ZNF385C: variants seen among roughly 807,000 people sequenced by gnomAD.
ZNF385C encodes zinc finger protein 385C.
In ZNF385C, 28 loss-of-function variants were observed where a neutral mutation model predicts 35.4. That is an observed-to-expected ratio of 0.79 (90% CI 0.59 to 1.08). ZNF385C has a LOEUF of 1.08. ZNF385C is among the 50% of genes least tolerant of loss of function. The pLI is 0.00. For synonymous variants in ZNF385C, 248 were observed against 248.2 expected, an observed-to-expected ratio of 1.00 and a Z score of 0.01; for missense variants, 605 against 595.6, an observed-to-expected ratio of 1.02 and a Z score of -0.16.
At chr17:42,030,463 G>C (rs1245624636) in intron 5 of ZNF385C, among the ~76,000 whole-genome samples, 1 of 152,144 alleles carries the variant, frequency 6.6e-6, no homozygotes, top group Non-Finnish European at 1.5e-5. Context: ...GCTCCAGCCT[G>C]GGAGACAGAG....
intron 1 of ZNF385C, among the ~76,000 whole-genome samples, chr17:42,094,041 T>C (rs2053891692): frequency 6.6e-6 from 1 of 151,056 alleles, no homozygotes; most frequent in Non-Finnish European, 1.5e-5. Flanking sequence ...TGGAGTGCAA[T>C]GGCGCAATCT....
chr17:42,049,110 G>A (rs1455680026), intron 2 of ZNF385C, among the ~76,000 whole-genome samples: 1 of 152,022 alleles, frequency 6.6e-6, no homozygotes, highest in African/African-American at 2.4e-5. Flanking sequence ...TTCTCTCTGG[G>A]TTCCTCCAGA....
chr17:42,037,850 C>T lies in ZNF385C; in HGVS notation c.286G>A (p.Ala96Thr). 6.6e-7 allele frequency: 1 copy of T among 1,517,740 alleles called. No individual in the cohort carries two copies. Among genetic ancestry groups the T allele is most frequent in the Non-Finnish European group, 8.8e-7 (1 of 1,131,036 alleles). 94.0% of individuals were successfully genotyped at this position (1,517,740 alleles called of 1,614,324 possible). ...GGCCGGGTGGGCAGGGGCAGGGAGGCCAGCAGGGGGCTGGGGGCGCCGGAG... is the reference window on the plus strand; with the variant it reads ...GGCCGGGTGGGCAGGGGCAGGGAGGTCAGCAGGGGGCTGGGGGCGCCGGAG... ...PASGAPSPLL[A>T]SLPLPTRPLQ... The change falls in exon 3 of 9, where the codon GCC (alanine) becomes ACC (threonine). Residue 96 changes from alanine (A) to threonine (T), a missense_variant. By Grantham distance (58) the Ala-to-Thr change is moderately conservative. Coordinates refer to ENST00000692273, the MANE Select transcript of ZNF385C (RefSeq NM_001392013.1).
intron 1 of ZNF385C, among the ~76,000 whole-genome samples, chr17:42,066,355 G>A (rs561952079): frequency 1.3e-5 from 2 of 152,230 alleles, no homozygotes; most frequent in African/African-American, 2.4e-5. Flanking sequence ...ACTGGTGCCC[G>A]GCCAATCAGC....
In ZNF385C at chr17:42,088,381, G is replaced by A. The variant is rs1002703044; in HGVS notation, c.-3+10029C>T. Among the ~76,000 whole-genome samples the A allele has an allele frequency of 2.6e-4, 40 of 152,210 alleles. 1 individual carries two copies. Among genetic ancestry groups the A allele is most frequent in the Non-Finnish European group, 1.5e-4 (10 of 68,032 alleles). On this transcript the variant is annotated intron_variant, in intron 1 of 8. Transcript: ENST00000692273. ...GGCGCCTGGCCTGGCCCGGGTGGGC[G>A]CAGTGCCCCACACTGACAGAGGCCC...
intron 1 of ZNF385C, among the ~76,000 whole-genome samples, chr17:42,066,361 T>C (rs1201608515): frequency 6.6e-6 from 1 of 152,080 alleles, no homozygotes; most frequent in Admixed American, 6.6e-5. Flanking sequence ...GCCCGGCCAA[T>C]CAGCTGTTAT....
At chr17:42,057,249 C>T (rs2053390287) in intron 2 of ZNF385C, among the ~76,000 whole-genome samples, 1 of 152,158 alleles carries the variant, frequency 6.6e-6, no homozygotes, top group African/African-American at 2.4e-5. Flanking sequence ...TAAAGTGAGA[C>T]TGAATGTCAT....
intron 2 of ZNF385C, among the ~76,000 whole-genome samples, chr17:42,052,213 A>G (rs181521448): frequency 1.6e-4 from 24 of 152,276 alleles, no homozygotes; most frequent in East Asian, 5.8e-4. Context: ...CAAAGGTCCA[A>G]CCGAGGCTGG....
rs145176002 is a variant in ZNF385C at position 42,030,475 on chromosome 17, G to A, written c.676+1144C>T. Among the ~76,000 whole-genome samples the A allele has an allele frequency of 4.9e-3, 744 of 152,118 alleles. 6 individuals are homozygous for A. Among genetic ancestry groups the A allele is most frequent in the African/African-American group, 0.017 (724 of 41,488 alleles). Reference sequence around the variant, plus strand: ...TGTGCTCCAGCCTGGGAGACAGAGCGAGACTCTGTCTCAAAAAACAAACAA... The same window carrying A: ...TGTGCTCCAGCCTGGGAGACAGAGCAAGACTCTGTCTCAAAAAACAAACAA... On this transcript the variant is annotated intron_variant, in intron 5 of 8. Coordinates refer to ENST00000692273, the MANE Select transcript of ZNF385C (RefSeq NM_001392013.1).
chr17:42,031,776 G>A lies in ZNF385C; in HGVS notation c.519C>T (p.Ala173=), dbSNP rs567468127. ...CHLRFNSANQ[A]EAHYKGHKHA... is the part of the protein sequence containing the mutation. ...GTTTGTGGCCTTTATAATGTGCCTC[G>A]GCCTGGTTCTGGGGAGGGGAGGGCA... Residue 173 remains alanine (A), a synonymous_variant, in exon 5 of 9, where the codon GCC becomes GCT. Coordinates refer to ENST00000692273, the MANE Select transcript of ZNF385C (RefSeq NM_001392013.1). 8.4e-6 allele frequency: 13 copies of A among 1,550,774 alleles called. No homozygotes were observed. Among genetic ancestry groups the A allele is most frequent in the South Asian group, 3.6e-5 (3 of 84,048 alleles).
chr17:42,095,366 T>G lies in ZNF385C; in HGVS notation c.-3+3044A>C, dbSNP rs952663398. ...CCTGTCCCAAGCCCAAACTCCAAACTCATGGGAGAACCCACATGATAGACA... is the reference window on the plus strand; with the variant it reads ...CCTGTCCCAAGCCCAAACTCCAAACGCATGGGAGAACCCACATGATAGACA... On this transcript the variant is annotated intron_variant, in intron 1 of 8. Transcript: ENST00000692273. This position sits in a 1 kb window ranked among gnomAD's most constrained non-coding sequence, Gnocchi z 4.4. Among the ~76,000 whole-genome samples, 30 of 152,162 alleles carry G rather than the reference T, an allele frequency of 2.0e-4. No individual in the cohort carries two copies. The highest frequency in any genetic ancestry group is 1.6e-3 in the Admixed American group (24 of 15,290).
At chr17:42,086,974 C>G (rs367759519) in intron 1 of ZNF385C, among the ~76,000 whole-genome samples, 1 of 151,600 alleles carries the variant, frequency 6.6e-6, no homozygotes, top group Non-Finnish European at 1.5e-5. Flanking sequence ...GATTACACCA[C>G]CACGCCCGGC....
At chr17:42,053,386 G>C (rs1296232747) in intron 2 of ZNF385C, among the ~76,000 whole-genome samples, 1 of 152,100 alleles carries the variant, frequency 6.6e-6, no homozygotes, top group Non-Finnish European at 1.5e-5. Flanking sequence ...GGATCTCAGG[G>C]AGGAGGCACC....
Position 42,067,233 on chromosome 17 carries a change from G to A in ZNF385C, c.-2-4175C>T, listed in dbSNP as rs118039932. On this transcript the variant is annotated intron_variant, in intron 1 of 8. Transcript: ENST00000692273. ...TCACAGTTATGAGCCACTGCGCCCAGCCTTGCTGACACATATTGATCTTGG... is the reference window on the plus strand; with the variant it reads ...TCACAGTTATGAGCCACTGCGCCCAACCTTGCTGACACATATTGATCTTGG... Among the ~76,000 whole-genome samples the A allele has an allele frequency of 1.7e-4, 26 of 152,284 alleles. 1 individual carries two copies. In the East Asian group the frequency reaches 3.1e-3, roughly 18 times the overall value.
chr17:42,040,816 G>C, intron 2 of ZNF385C: 1 of 1,232,292 alleles, frequency 8.1e-7, no homozygotes, highest in Non-Finnish European at 1.0e-6. Context: ...GTAGGCCGGG[G>C]GCTCAGGATC....
At chr17:42,094,179 C>T (rs2053893471) in intron 1 of ZNF385C, among the ~76,000 whole-genome samples, 1 of 152,092 alleles carries the variant, frequency 6.6e-6, no homozygotes, top group Non-Finnish European at 1.5e-5. Flanking sequence ...GACGGGGGTT[C>T]ACCATGTTGG....
rs782468593 is a variant in ZNF385C, at chr17:42,037,879, G to A, written c.257C>T (p.Pro86Leu). ...LGKSPSGPAG[P>L]ASGAPSPLLA... ...CAGGGGGCTGGGGGCGCCGGAGGCCGGGCCTGCTGCAGGAGGAAGAAGGGC... is the reference window on the plus strand; with the variant it reads ...CAGGGGGCTGGGGGCGCCGGAGGCCAGGCCTGCTGCAGGAGGAAGAAGGGC... Residue 86 changes from proline (P) to leucine (L), a missense_variant, in exon 3 of 9, where the codon CCG becomes CTG. By Grantham distance (98) the Pro-to-Leu change is moderately conservative. Coordinates refer to ENST00000692273, the MANE Select transcript of ZNF385C (RefSeq NM_001392013.1). 3.6e-5 allele frequency: 55 copies of A among 1,526,656 alleles called. No individual in the cohort carries two copies. Among genetic ancestry groups the A allele is most frequent in the East Asian group, 2.5e-4 (10 of 40,596 alleles). 94.6% of individuals were successfully genotyped at this position (1,526,656 alleles called of 1,614,324 possible).
chr17:42,042,910 C>T, intron 2 of ZNF385C: 5 of 1,232,444 alleles, frequency 4.1e-6, no homozygotes, highest in Non-Finnish European at 5.1e-6. Context: ...CAGGTTGAAC[C>T]TCTGCAGCTC....
Position 42,041,053 on chromosome 17 carries a change from G to A in ZNF385C, c.251-3168C>T, listed in dbSNP as rs1487587533. On this transcript the variant is annotated intron_variant, in intron 2 of 8. Transcript: ENST00000692273. Reference sequence around the variant, plus strand: ...GGTGGTGGCGGGCTGGCCATCACAGGGGGACACTGAAGTGGCAAACAGGGC... The same window carrying A: ...GGTGGTGGCGGGCTGGCCATCACAGAGGGACACTGAAGTGGCAAACAGGGC... 17 of 1,232,354 alleles carry A rather than the reference G, an allele frequency of 1.4e-5. No homozygotes were observed. The Middle Eastern group carries it at 1.2e-3, about 90-fold the overall frequency. The allele number at this position is 1,232,354 out of a possible 1,614,324, so 76.3% of individuals were successfully genotyped here.
Sources: allele counts gnomAD v4.1 joint callset (sites outside exome capture counted in the v4.1 genomes callset), GRCh38; gene constraint gnomAD v4.1.1; non-coding constraint Gnocchi (gnomAD v3.1); transcripts MANE v1.5; gene names NCBI Gene and HGNC (gene_info 2026-07-23, HGNC 2026-07-21).